GPC5: variants seen among roughly 807,000 people sequenced by gnomAD.
The protein encoded by GPC5 is glypican 5, also known as glypican-5.
A neutral mutation model predicts 53.9 loss-of-function variants in GPC5; 47 were observed. That is an observed-to-expected ratio of 0.87 (90% CI 0.69 to 1.11). The LOEUF (loss-of-function observed/expected upper bound fraction) is 1.11, where lower values mean the gene tolerates loss of function less well. Among genes scored for constraint, GPC5 ranks in the 50% most tolerant of loss-of-function variants. The pLI is 0.00. For synonymous variants in GPC5, 286 were observed against 263.3 expected, an observed-to-expected ratio of 1.09 and a Z score of -0.84; for missense variants, 748 against 713.1, an observed-to-expected ratio of 1.05 and a Z score of -0.56.
At chr13:92,432,859 T>C (rs1251016766) in intron 7 of GPC5, among the ~76,000 whole-genome samples, 1 of 152,080 alleles carries the variant, frequency 6.6e-6, no homozygotes, top group Non-Finnish European at 1.5e-5. Flanking sequence ...TTTCCTTTTG[T>C]ATGTGTAGGA....
chr13:91,797,811 G>A (rs1429336177), intron 5 of GPC5, among the ~76,000 whole-genome samples: 1 of 152,152 alleles, frequency 6.6e-6, no homozygotes, highest in Non-Finnish European at 1.5e-5. Flanking sequence ...TGATACCTTC[G>A]CTGGCCCGGT....
intron 7 of GPC5, among the ~76,000 whole-genome samples, chr13:92,413,503 A>C (rs1165091152): frequency 2.0e-5 from 3 of 152,170 alleles, no homozygotes; most frequent in Admixed American, 6.6e-5. Context: ...AAGCTTTTTT[A>C]TGTTTACTTA....
intron 7 of GPC5, among the ~76,000 whole-genome samples, chr13:92,378,831 A>C (rs2043715555): frequency 6.6e-6 from 1 of 152,186 alleles, no homozygotes; most frequent in Non-Finnish European, 1.5e-5. Context: ...ATAGTACATG[A>C]GAAAAAAATG....
intron 7 of GPC5, among the ~76,000 whole-genome samples, chr13:92,373,140 T>C (rs974410143): frequency 1.3e-5 from 2 of 152,308 alleles, no homozygotes; most frequent in Admixed American, 6.5e-5. Flanking sequence ...TTCCTTAATA[T>C]AGCTTTCTCC....
intron 7 of GPC5, among the ~76,000 whole-genome samples, chr13:92,862,542 G>C (rs1031093641): frequency 6.6e-6 from 1 of 151,790 alleles, no homozygotes; most frequent in Admixed American, 6.6e-5. Flanking sequence ...TATATATATA[G>C]ATAGATATAT....
At chr13:92,847,484 C>T (rs979642760) in intron 7 of GPC5, among the ~76,000 whole-genome samples, 1 of 152,078 alleles carries the variant, frequency 6.6e-6, no homozygotes, top group South Asian at 2.1e-4. Flanking sequence ...CTCATGAGAT[C>T]TGGTTGTTTA....
chr13:91,592,964 G>T (rs2032858170), intron 2 of GPC5, among the ~76,000 whole-genome samples: 1 of 152,192 alleles, frequency 6.6e-6, no homozygotes, highest in Admixed American at 6.5e-5. Flanking sequence ...CCTGGGCCAG[G>T]GGTGCCCCTG....
chr13:92,452,132 A>G (rs1038917675), intron 7 of GPC5, among the ~76,000 whole-genome samples: 3 of 152,196 alleles, frequency 2.0e-5, no homozygotes, highest in African/African-American at 7.2e-5. Flanking sequence ...AACTGTTACT[A>G]TAGGACTTTA....
At chr13:92,163,590 TG>T (rs975589539) in intron 7 of GPC5, among the ~76,000 whole-genome samples, 68 of 152,260 alleles carry the variant, frequency 4.5e-4, no homozygotes, top group African/African-American at 1.5e-3. Context: ...TATAATTATT[TG>T]GGTTGATTCT....
intron 1 of GPC5, among the ~76,000 whole-genome samples, chr13:91,403,747 A>G (rs1877120297): frequency 6.6e-6 from 1 of 152,032 alleles, no homozygotes; most frequent in African/African-American, 2.4e-5. Context: ...CACGTGTTTC[A>G]TTTTTCTCTA....
intron 7 of GPC5, among the ~76,000 whole-genome samples, chr13:92,360,459 A>G (rs1467721517): frequency 6.6e-6 from 1 of 151,662 alleles, no homozygotes; most frequent in African/African-American, 2.4e-5. Context: ...AATAATTTAC[A>G]TATTAAGCAA....
intron 7 of GPC5, among the ~76,000 whole-genome samples, chr13:92,579,073 G>A (rs2139050633): frequency 6.6e-6 from 1 of 152,162 alleles, no homozygotes; most frequent in Middle Eastern, 3.4e-3. Flanking sequence ...GAAAAGAAAA[G>A]TTCACTGTCA....
At chr13:91,935,885 G>T (rs773102305) in intron 6 of GPC5, among the ~76,000 whole-genome samples, 1 of 151,952 alleles carries the variant, frequency 6.6e-6, no homozygotes, top group African/African-American at 2.4e-5. Context: ...AGATGAAATT[G>T]CCTAGGGAAA....
chr13:91,590,537 A>G (rs1419108235), intron 2 of GPC5, among the ~76,000 whole-genome samples: 1 of 152,170 alleles, frequency 6.6e-6, no homozygotes, highest in African/African-American at 2.4e-5. Flanking sequence ...CTTTACCCAG[A>G]AATAAATTAT....
chr13:92,351,524 A>G (rs930544991), intron 7 of GPC5, among the ~76,000 whole-genome samples: 2 of 151,998 alleles, frequency 1.3e-5, no homozygotes, highest in African/African-American at 4.8e-5. Context: ...ACCAAGATGA[A>G]GATAAGAATA....
At chr13:91,507,707 CTG>C (rs1437412151) in intron 2 of GPC5, among the ~76,000 whole-genome samples, 2 of 152,194 alleles carry the variant, frequency 1.3e-5, no homozygotes, top group African/African-American at 4.8e-5. Flanking sequence ...CTCCCAAAGA[CTG>C]TACTTCCAAA....
intron 1 of GPC5, among the ~76,000 whole-genome samples, chr13:91,446,905 T>C (rs551784374): frequency 1.3e-5 from 2 of 152,114 alleles, no homozygotes; most frequent in South Asian, 4.1e-4. Context: ...TGAGAACAGG[T>C]AGGGTAAGTG....
intron 5 of GPC5, among the ~76,000 whole-genome samples, chr13:91,804,030 G>A (rs1253520979): frequency 1.3e-5 from 2 of 151,254 alleles, no homozygotes; most frequent in Non-Finnish European, 3.0e-5. Context: ...AAAGAGACAT[G>A]GAGAAAAGGA....
At chr13:92,113,506 T>C (rs1384086034) in intron 6 of GPC5, among the ~76,000 whole-genome samples, 2 of 152,178 alleles carry the variant, frequency 1.3e-5, no homozygotes, top group African/African-American at 4.8e-5. Context: ...ATCCTCCATA[T>C]GATAAGCTTA....
Sources: gnomAD v4.1 joint callset for allele counts (sites outside exome capture counted in the v4.1 genomes callset) on GRCh38, gnomAD v4.1.1 for gene constraint, MANE v1.5 for transcripts, NCBI Gene and HGNC (gene_info 2026-07-23, HGNC 2026-07-21) for gene names.